GRID2: variants seen among roughly 807,000 people sequenced by gnomAD.
The protein encoded by GRID2 is glutamate receptor ionotropic, delta-2.
In GRID2, 33 loss-of-function variants were observed where a neutral mutation model predicts 114.8. The ratio of observed to expected loss-of-function variants is 0.29; its 90% CI spans 0.22 to 0.38. GRID2 has a LOEUF of 0.38. Ranked by LOEUF, GRID2 falls within the 10% of genes least tolerant of loss-of-function variation. The pLI is 1.00. For synonymous variants in GRID2, 505 were observed against 449.9 expected (o/e 1.12, Z -1.55); for missense variants, 1,184 against 1,257.7 (o/e 0.94, Z 0.89).
chr4:93,442,843 C>T (rs2149394305), intron 10 of GRID2, among the ~76,000 whole-genome samples: 1 of 152,084 alleles, frequency 6.6e-6, no homozygotes, highest in East Asian at 1.9e-4. Context: ...GTACCTCAAA[C>T]ATTAAGTGTT....
At chr4:93,187,204 C>T (rs1190815456) in intron 4 of GRID2, among the ~76,000 whole-genome samples, 1 of 152,178 alleles carries the variant, frequency 6.6e-6, no homozygotes, top group African/African-American at 2.4e-5. Flanking sequence ...TATTCTACTC[C>T]TGGCCCTCCA....
chr4:92,362,632 C>T (rs972747628), intron 1 of GRID2, among the ~76,000 whole-genome samples: 1 of 151,890 alleles, frequency 6.6e-6, no homozygotes. Context: ...TTTAAACAAT[C>T]TTAAACTAAC....
At chr4:93,681,389 AG>A (rs1725517572) in intron 14 of GRID2, among the ~76,000 whole-genome samples, 1 of 151,552 alleles carries the variant, frequency 6.6e-6, no homozygotes. Context: ...ATCCTCATCA[AG>A]CTACCAATGA....
intron 12 of GRID2, among the ~76,000 whole-genome samples, chr4:93,502,610 A>G (rs888355637): frequency 1.3e-5 from 2 of 151,646 alleles, no homozygotes; most frequent in African/African-American, 2.4e-5. Context: ...ACTGCTAAGT[A>G]TCTGTTTGAC....
chr4:93,646,416 G>T (rs988662621), intron 14 of GRID2, among the ~76,000 whole-genome samples: 3 of 152,126 alleles, frequency 2.0e-5, no homozygotes, highest in Non-Finnish European at 4.4e-5. Flanking sequence ...TGACTAGGAG[G>T]CCAATGTTGA....
intron 8 of GRID2, among the ~76,000 whole-genome samples, chr4:93,369,912 C>G (rs1183909171): frequency 6.6e-6 from 1 of 152,166 alleles, no homozygotes; most frequent in Non-Finnish European, 1.5e-5. Flanking sequence ...TAGGAAAAGA[C>G]AGTTTTGAAA....
rs183617802 is a variant in GRID2 at position 92,664,111 on chromosome 4, C to T, written c.244+73825C>T. On this transcript the variant is annotated intron_variant, in intron 2 of 15. Transcript: ENST00000282020. ...TCCATAAGTTGTATGGAGAGACTAT[C>T]GATTTGAGATCTTTTTTTCTTTTAA... Among the ~76,000 whole-genome samples the T allele has an allele frequency of 1.4e-3, 213 of 151,092 alleles. 1 individual carries two copies. The highest frequency in any genetic ancestry group is 2.9e-3 in the South Asian group (14 of 4,806).
At chr4:93,516,666 A>G (rs1457017284) in intron 13 of GRID2, among the ~76,000 whole-genome samples, 1 of 152,022 alleles carries the variant, frequency 6.6e-6, no homozygotes, top group African/African-American at 2.4e-5. Flanking sequence ...GGGTTGAGAG[A>G]TGGATCCAAG....
intron 2 of GRID2, among the ~76,000 whole-genome samples, chr4:92,829,260 T>C (rs988233737): frequency 2.0e-5 from 3 of 152,192 alleles, no homozygotes; most frequent in Admixed American, 2.0e-4. Context: ...CAGCACCATT[T>C]ATTAAATAGG....
intron 2 of GRID2, among the ~76,000 whole-genome samples, chr4:93,005,692 A>T (rs1721442284): frequency 6.6e-6 from 1 of 152,106 alleles, no homozygotes; most frequent in African/African-American, 2.4e-5. Flanking sequence ...CATAGTATAT[A>T]CATGCAATGG....
chr4:92,415,229 A>G (rs1731537114), intron 1 of GRID2, among the ~76,000 whole-genome samples: 1 of 152,038 alleles, frequency 6.6e-6, no homozygotes. Flanking sequence ...ATAATTTACC[A>G]CTGACAGATT....
At chr4:93,601,842 G>C (rs748369351) in intron 13 of GRID2, among the ~76,000 whole-genome samples, 1 of 152,088 alleles carries the variant, frequency 6.6e-6, no homozygotes, top group Non-Finnish European at 1.5e-5. Context: ...GAGTAACCAT[G>C]TTATTATGAA....
At chr4:93,777,148 G>T (rs1734385522), downstream of GRID2, among the ~76,000 whole-genome samples, 2 of 152,160 alleles carry the variant, frequency 1.3e-5, no homozygotes, top group African/African-American at 4.8e-5. Flanking sequence ...ACCTCCAGGA[G>T]ACTAGAAACC....
At chr4:93,743,178 A>G (rs1731561061) in intron 14 of GRID2, among the ~76,000 whole-genome samples, 1 of 152,240 alleles carries the variant, frequency 6.6e-6, no homozygotes, top group Non-Finnish European at 1.5e-5. Context: ...AACCCAGAGC[A>G]AGATCCTAAT....
intron 8 of GRID2, among the ~76,000 whole-genome samples, chr4:93,331,488 A>G (rs2149228917): frequency 6.6e-6 from 1 of 152,074 alleles, no homozygotes; most frequent in African/African-American, 2.4e-5. Flanking sequence ...TTGATCACAT[A>G]CAAGATAGGT....
intron 8 of GRID2, among the ~76,000 whole-genome samples, chr4:93,353,048 A>G (rs553550105): frequency 4.6e-5 from 7 of 152,180 alleles, no homozygotes; most frequent in Non-Finnish European, 8.8e-5. Flanking sequence ...ATTCAAAAAG[A>G]AGGAGAACAA....
At chr4:93,771,719 G>T (rs1286924292) in intron 15 of GRID2, among the ~76,000 whole-genome samples, 2 of 152,116 alleles carry the variant, frequency 1.3e-5, no homozygotes, top group Non-Finnish European at 2.9e-5. Flanking sequence ...AAGAAGAGGT[G>T]GGGGGTAGAG....
At chr4:92,662,892 T>C (rs1732588664) in intron 2 of GRID2, among the ~76,000 whole-genome samples, 1 of 151,136 alleles carries the variant, frequency 6.6e-6, no homozygotes, top group African/African-American at 2.4e-5. Context: ...AATTCATCAA[T>C]ATATTTAAAT....
chr4:93,294,275 C>T (rs1754054522), intron 8 of GRID2, among the ~76,000 whole-genome samples: 1 of 152,032 alleles, frequency 6.6e-6, no homozygotes, highest in Non-Finnish European at 1.5e-5. Context: ...GAGTTGAAAT[C>T]AGCAGTGGAG....
Sources: allele counts gnomAD v4.1 joint callset (sites outside exome capture counted in the v4.1 genomes callset), GRCh38; gene constraint gnomAD v4.1.1; transcripts MANE v1.5; gene names NCBI Gene and HGNC (gene_info 2026-07-23, HGNC 2026-07-21).